The following ATR variants were observed in gnomAD, a reference collection of about 807,000 sequenced individuals.
ATR encodes the protein serine/threonine-protein kinase ATR.
ATR carries 142 observed loss-of-function variants against 305.3 expected under a neutral mutation model. The ratio of observed to expected loss-of-function variants is 0.47; its 90% CI spans 0.41 to 0.53. The LOEUF (loss-of-function observed/expected upper bound fraction) is 0.53, where lower values mean the gene tolerates loss of function less well. Ranked by LOEUF, ATR falls within the 20% of genes least tolerant of loss-of-function variation. The probability of loss-of-function intolerance (pLI) is 0.00; values close to 1 mark genes in which losing one functional copy is unlikely to be tolerated. For missense variants in ATR, 2,135 were observed against 3,133.1 expected (o/e 0.68, Z 7.60); for synonymous variants, 1,050 against 1,068.1 (o/e 0.98, Z 0.33).
At chr3:142,566,542 T>G (rs1240793619) in intron 2 of ATR, among the ~76,000 whole-genome samples, 1 of 151,044 alleles carries the variant, frequency 6.6e-6, no homozygotes, top group African/African-American at 2.4e-5. Context: ...AGGATTCCCT[T>G]GAGCCCAGAA....
intron 8 of ATR, among the ~76,000 whole-genome samples, 171 bp downstream of exon 8, chr3:142,558,453 C>T (rs538109605): frequency 8.6e-5 from 13 of 151,902 alleles, no homozygotes; most frequent in Admixed American, 5.9e-4. Flanking sequence ...AACCTGAAGA[C>T]GGAGGTTGCA....
At chr3:142,469,061 G>A (rs925241956) in intron 38 of ATR, among the ~76,000 whole-genome samples, 1 of 152,060 alleles carries the variant, frequency 6.6e-6, no homozygotes, top group Non-Finnish European at 1.5e-5. Context: ...TAACCATTTT[G>A]CATCAAGCAT....
intron 35 of ATR, among the ~76,000 whole-genome samples, chr3:142,488,132 T>C (rs969431717): frequency 2.6e-5 from 4 of 152,154 alleles, no homozygotes; most frequent in Admixed American, 1.3e-4. Context: ...GGTTAAGGTC[T>C]TTATACCTGC....
chr3:142,467,815 GAT>G, intron 39 of ATR, 117 bp downstream of exon 39: 1 of 1,099,672 alleles, frequency 9.1e-7, no homozygotes, highest in African/African-American at 1.6e-5. Context: ...TATACATTTT[GAT>G]ATATGTGTAC....
At chr3:142,509,120 A>C (rs1269277039) in intron 27 of ATR, among the ~76,000 whole-genome samples, 1 of 152,036 alleles carries the variant, frequency 6.6e-6, no homozygotes, top group African/African-American at 2.4e-5. Context: ...CAGGCAACAA[A>C]TTTCTTCAAA....
At chr3:142,498,465 G>T in intron 32 of ATR, 132 bp downstream of exon 32, 3 of 800,108 alleles carry the variant, frequency 3.7e-6, no homozygotes, top group South Asian at 1.7e-5. Flanking sequence ...GAGGTAAAAA[G>T]AATGAAAGAG....
intron 28 of ATR, among the ~76,000 whole-genome samples, 180 bp downstream of exon 28, chr3:142,507,751 C>T (rs1468719783): frequency 6.6e-6 from 1 of 152,090 alleles, no homozygotes; most frequent in South Asian, 2.1e-4. Flanking sequence ...AGTGTCCTTC[C>T]TCAGGGTACA....
At chr3:142,573,643 A>G (rs542985161) in intron 1 of ATR, among the ~76,000 whole-genome samples, 1 of 152,196 alleles carries the variant, frequency 6.6e-6, no homozygotes, top group Non-Finnish European at 1.5e-5. Flanking sequence ...ATTTTCTGGT[A>G]GCCACATTAA....
intron 39 of ATR, among the ~76,000 whole-genome samples, chr3:142,467,523 A>T (rs985075868): frequency 1.3e-5 from 2 of 152,138 alleles, no homozygotes; most frequent in African/African-American, 4.8e-5. Context: ...CCTCTTCCCT[A>T]TCGTAAGTGT....
intron 24 of ATR, among the ~76,000 whole-genome samples, chr3:142,515,985 A>G (rs2032844848): frequency 1.3e-5 from 2 of 152,288 alleles, no homozygotes; most frequent in South Asian, 4.1e-4. Context: ...TTCTCTACTT[A>G]TCAGGGCTCA....
rs1486940917 is a variant in ATR at position 142,559,382 on chromosome 3, C to A, written c.1601G>T (p.Trp534Leu). Residue 534 changes from tryptophan to leucine, a missense_variant, in exon 7 of 47, where the codon TGG (tryptophan) becomes TTG (leucine). Trp to Leu is a moderately conservative substitution (Grantham distance 61, BLOSUM62 -2). Coordinates refer to ENST00000350721, the MANE Select transcript of ATR (RefSeq NM_001184.4). ...SKKKPSVVITWMSLDFYTKVL... is the reference protein window; with the variant it reads ...SKKKPSVVITLMSLDFYTKVL... ...TTTTGTGTAAAAATCCAATGACATC[C>A]AAGTTATCACTACAGAAGGTTTCTT... 6.2e-7 allele frequency: 1 copy of A among 1,613,788 alleles called. No individual in the cohort carries two copies. The highest frequency in any genetic ancestry group is 8.5e-7 in the Non-Finnish European group (1 of 1,179,892).
chr3:142,574,398 G>A (rs772911777), intron 1 of ATR, among the ~76,000 whole-genome samples: 1 of 149,876 alleles, frequency 6.7e-6, no homozygotes, highest in Non-Finnish European at 1.5e-5. Flanking sequence ...GGAGGCAGAG[G>A]TTGCAGTGAG....
At chr3:142,515,967 T>C (rs984502414) in intron 24 of ATR, among the ~76,000 whole-genome samples, 2 of 152,206 alleles carry the variant, frequency 1.3e-5, no homozygotes, top group African/African-American at 4.8e-5. Flanking sequence ...AAGTTTCCAA[T>C]GACTTTCTTC....
Position 142,524,105 on chromosome 3 carries a change from T to C in ATR, c.4040A>G (p.Asn1347Ser), listed in dbSNP as rs1333432911. The C allele has an allele frequency of 6.2e-7, 1 of 1,613,930 alleles. No homozygotes were observed. Reference sequence around the variant, plus strand: ...CCCACAGAGCAACCGAGCTTGAGAGTTTGCATCTTGGCAACCTTTCAAAAG... The same window carrying C: ...CCCACAGAGCAACCGAGCTTGAGAGCTTGCATCTTGGCAACCTTTCAAAAG... ...TVLLKGCQDA[N>S]SQARLLCGEC... Residue 1347 changes from asparagine (N) to serine (S), a missense_variant, in exon 22 of 47, where the codon AAC becomes AGC. Coordinates refer to ENST00000350721, the MANE Select transcript of ATR (RefSeq NM_001184.4).
rs1001744737 is a variant in ATR at position 142,469,381 on chromosome 3, C to A, written c.6508G>T (p.Ala2170Ser). 11 of 1,613,696 alleles carry A rather than the reference C, an allele frequency of 6.8e-6. No homozygotes were observed. Among genetic ancestry groups the A allele is most frequent in the Non-Finnish European group, 8.5e-6 (10 of 1,179,928 alleles). ...LMEIIAKVFLAYPQQAMWMMT... is the reference protein window; with the variant it reads ...LMEIIAKVFLSYPQQAMWMMT... ...ATCCACATTGCTTGTTGAGGATAGG[C>A]TAGAAATACTTTGGCTATTATTTCC... The change falls in exon 38 of 47, where the codon GCC becomes TCC. Residue 2170 changes from alanine (A) to serine (S), a missense_variant. Ala to Ser is a moderately conservative substitution (Grantham distance 99). Around this residue, in one of 9 missense-constraint regions of ATR, gnomAD observed 462 missense variants for 887.6 expected, o/e 0.52. Coordinates refer to ENST00000350721, the MANE Select transcript of ATR (RefSeq NM_001184.4).
rs144917964 is a variant in ATR, at chr3:142,494,546, G to A, written c.5899-1235C>T. Among the ~76,000 whole-genome samples, 11 of 152,278 alleles carry A rather than the reference G, an allele frequency of 7.2e-5. No individual in the cohort carries two copies. The East Asian group carries it at 1.5e-3, about 21-fold the overall frequency. ...ACTACAGTCAGGAAAAGTTATCAAC[G>A]AAGAAAATTTGAATTAGGTTTTCAA... is the stretch of plus-strand genomic sequence containing the variant. On this transcript the variant is annotated intron_variant, in intron 34 of 46. Transcript: ENST00000350721.
chr3:142,516,211 A>G (rs2032854823), intron 24 of ATR, among the ~76,000 whole-genome samples: 1 of 152,022 alleles, frequency 6.6e-6, no homozygotes, highest in Non-Finnish European at 1.5e-5. Flanking sequence ...TCTTTCCACA[A>G]CCATCTTAGT....
At chr3:142,538,446 A>T in intron 19 of ATR, 36 bp downstream of exon 19, 1 of 1,590,052 alleles carries the variant, frequency 6.3e-7, no homozygotes, top group South Asian at 1.1e-5. Context: ...ACAGTTTAAA[A>T]AGTTATTATT....
chr3:142,527,746 CA>C (rs1239539843), intron 21 of ATR, among the ~76,000 whole-genome samples: 2 of 152,070 alleles, frequency 1.3e-5, no homozygotes, highest in Non-Finnish European at 2.9e-5. Flanking sequence ...CTAAGGTGTA[CA>C]AATGAATGGT....
Sources: allele counts gnomAD v4.1 joint callset (sites outside exome capture counted in the v4.1 genomes callset), GRCh38; gene constraint gnomAD v4.1.1; regional missense constraint gnomAD v4.1.1; transcripts MANE v1.5; gene names NCBI Gene and HGNC (gene_info 2026-07-23, HGNC 2026-07-21).